Variants in DOCK7 observed in about 807,000 individuals in gnomAD.
DOCK7 encodes dedicator of cytokinesis protein 7.
DOCK7 carries 138 observed loss-of-function variants against 271.0 expected under a neutral mutation model. That is an observed-to-expected ratio of 0.51 (90% CI 0.44 to 0.59). The LOEUF (loss-of-function observed/expected upper bound fraction) is 0.59, where lower values mean the gene tolerates loss of function less well. DOCK7 is among the 20% of genes least tolerant of loss of function. DOCK7 has a pLI of 0.00. For missense variants in DOCK7, 2,066 were observed against 2,592.4 expected, an observed-to-expected ratio of 0.80 and a Z score of 4.41; for synonymous variants, 823 against 876.1, an observed-to-expected ratio of 0.94 and a Z score of 1.07.
At chr1:62,556,612 C>T (rs1300373104) in intron 20 of DOCK7, among the ~76,000 whole-genome samples, 3 of 151,644 alleles carry the variant, frequency 2.0e-5, no homozygotes, top group Non-Finnish European at 2.9e-5. Context: ...CTCGGTCACT[C>T]AAGTCAGTAT....
rs780267717 is a variant in DOCK7 at position 62,552,850 on chromosome 1, G to C, written c.2648C>G (p.Ala883Gly). ...SVHYATMARS[A>G]VRPASLNLNR... ...TAAATTAAGGCTTGCAGGTCTCACC[G>C]CAGATCTAGCCATTGTGGCATAATG... The change falls in exon 22 of 50, where the codon GCG (alanine) becomes GGG (glycine). Residue 883 changes from alanine to glycine, a missense_variant. Ala to Gly is a moderately conservative substitution (Grantham distance 60). Coordinates refer to ENST00000635253, the MANE Select transcript of DOCK7 (RefSeq NM_001367561.1). 6.2e-7 allele frequency: 1 copy of C among 1,613,532 alleles called. No homozygotes were observed. The highest frequency in any genetic ancestry group is 8.5e-7 in the Non-Finnish European group (1 of 1,179,840).
chr1:62,541,921 C>T (rs919076443), intron 25 of DOCK7, among the ~76,000 whole-genome samples: 19 of 152,214 alleles, frequency 1.2e-4, no homozygotes, highest in Admixed American at 3.9e-4. Context: ...GTTATCCATG[C>T]GGAGTGCAGT....
intron 11 of DOCK7, among the ~76,000 whole-genome samples, chr1:62,625,724 C>T (rs1408924232): frequency 3.3e-5 from 5 of 152,130 alleles, no homozygotes; most frequent in Admixed American, 1.3e-4. Flanking sequence ...TTTTAGTCAT[C>T]GTTAATCTTC....
At position 62,455,199 on chromosome 1, in the gene DOCK7, G is replaced by T. The variant is rs189241213; in HGVS notation, c.*215C>A. The T allele has an allele frequency of 6.6e-4, 435 of 658,514 alleles. 2 individuals carry two copies. Among genetic ancestry groups the T allele is most frequent in the South Asian group, 2.3e-3 (131 of 57,162 alleles). 40.8% of individuals were successfully genotyped at this position (658,514 alleles called of 1,614,324 possible). On this transcript the variant is annotated 3_prime_UTR_variant, in exon 50 of 50. Transcript: ENST00000635253. ...TAGTGTACCTTTGAGTCATTAAAAT[G>T]TCTTAAAAGATAACAGCTTGTTACC...
At chr1:62,584,277 T>C in intron 15 of DOCK7, 1 of 973,400 alleles carries the variant, frequency 1.0e-6, no homozygotes, top group South Asian at 4.8e-5. Flanking sequence ...ATATATATTA[T>C]TTCATCAATT....
At chr1:62,647,331 AT>A (rs1476573691) in intron 7 of DOCK7, among the ~76,000 whole-genome samples, 1 of 152,154 alleles carries the variant, frequency 6.6e-6, no homozygotes, top group Non-Finnish European at 1.5e-5. Context: ...CAACTCTTTG[AT>A]TTTATATTTG....
At chr1:62,491,840 G>C (rs903748714) in intron 41 of DOCK7, among the ~76,000 whole-genome samples, 1 of 152,160 alleles carries the variant, frequency 6.6e-6, no homozygotes, top group African/African-American at 2.4e-5. Context: ...TTTAGAAAAT[G>C]TTTGGCAGTA....
chr1:62,641,268 C>T (rs1655988853), intron 7 of DOCK7: 19 of 416,464 alleles, frequency 4.6e-5, no homozygotes, highest in South Asian at 3.1e-4. Flanking sequence ...TCCATGGTGG[C>T]TGTCACTGCC....
chr1:62,533,526 C>T (rs1304849315), intron 29 of DOCK7, among the ~76,000 whole-genome samples: 1 of 151,942 alleles, frequency 6.6e-6, no homozygotes, highest in East Asian at 1.9e-4. Context: ...GAGTTTCACC[C>T]ATTTAGTTTG....
rs569149865 is a variant in DOCK7, at chr1:62,686,618, T to C, written c.38+1609A>G. On this transcript the variant is annotated intron_variant, in intron 1 of 49. Coordinates refer to ENST00000635253, the MANE Select transcript of DOCK7 (RefSeq NM_001367561.1). Reference sequence around the variant, plus strand: ...TACAAGTGTTTGATGACAGGTAGTATAGGCCCTGTACTATCCTACGCACAT... The same window carrying C: ...TACAAGTGTTTGATGACAGGTAGTACAGGCCCTGTACTATCCTACGCACAT... Among the ~76,000 whole-genome samples the C allele has an allele frequency of 4.6e-5, 7 of 152,322 alleles. No homozygotes were observed. In the South Asian group the frequency reaches 1.2e-3, roughly 27 times the overall value.
chr1:62,537,116 C>T (rs1255628423), intron 28 of DOCK7, among the ~76,000 whole-genome samples: 1 of 152,162 alleles, frequency 6.6e-6, no homozygotes, highest in Non-Finnish European at 1.5e-5. Context: ...CTTCATCCCC[C>T]ACTTCCTTTC....
Position 62,529,295 on chromosome 1 carries a change from G to C in DOCK7, c.3763C>G (p.Gln1255Glu). The change falls in exon 30 of 50, where the codon CAG (glutamine) becomes GAG (glutamate). Residue 1255 changes from glutamine to glutamate, a missense_variant. Coordinates refer to ENST00000635253, the MANE Select transcript of DOCK7 (RefSeq NM_001367561.1). ...LIGIIMETVP[Q>E]LYDFTETHNQ... The stretch of plus-strand genomic sequence containing the variant: ...TAGGTACCTGTAAAATCATACAGCT[G>C]AGGTACAGTTTCCATGATAATACCA... The C allele has an allele frequency of 6.2e-7, 1 of 1,608,368 alleles. No homozygotes were observed. The highest frequency in any genetic ancestry group is 8.5e-7 in the Non-Finnish European group (1 of 1,178,316).
intron 31 of DOCK7, among the ~76,000 whole-genome samples, chr1:62,521,089 C>T (rs976501908): frequency 2.0e-5 from 3 of 147,304 alleles, no homozygotes; most frequent in African/African-American, 7.5e-5. Context: ...ACATCACACA[C>T]TGGGGCCTGT....
intron 21 of DOCK7, 31 bp from the exon 22 acceptor site, chr1:62,552,932 A>G (rs373412173): frequency 2.8e-5 from 40 of 1,426,398 alleles, no homozygotes; most frequent in Middle Eastern, 1.9e-4. Context: ...GCACATAATT[A>G]AAGAAAATTA....
chr1:62,513,643 G>A (rs376012915), intron 32 of DOCK7, 37 bp from the exon 33 acceptor site: 73 of 1,602,388 alleles, frequency 4.6e-5, no homozygotes, highest in Non-Finnish European at 6.0e-5. Flanking sequence ...AGGTATTGAG[G>A]AAATTTTCTT....
At chr1:62,676,608 A>G (rs982900792) in intron 1 of DOCK7, among the ~76,000 whole-genome samples, 1 of 152,190 alleles carries the variant, frequency 6.6e-6, no homozygotes, top group Non-Finnish European at 1.5e-5. Context: ...GAAACTGTTT[A>G]TTTGTAAGAG....
intron 15 of DOCK7, chr1:62,584,389 G>A (rs1647262693): frequency 4.1e-6 from 4 of 987,486 alleles, no homozygotes; most frequent in Non-Finnish European, 4.8e-6. Context: ...GTTATCTTAG[G>A]ACCCATTTAA....
At chr1:62,688,181 T>G in intron 1 of DOCK7, 46 bp downstream of exon 1, 1 of 1,351,494 alleles carries the variant, frequency 7.4e-7, no homozygotes, top group Non-Finnish European at 9.6e-7. Context: ...ACTCCGCGGC[T>G]CTTTCTCGGG....
chr1:62,537,337 C>G (rs1336277709), intron 28 of DOCK7, among the ~76,000 whole-genome samples: 1 of 152,072 alleles, frequency 6.6e-6, no homozygotes, highest in Non-Finnish European at 1.5e-5. Flanking sequence ...AATCCCAGCA[C>G]TTTTGAGAGG....
Sources: gnomAD v4.1 joint callset for allele counts (sites outside exome capture counted in the v4.1 genomes callset) on GRCh38, gnomAD v4.1.1 for gene constraint, MANE v1.5 for transcripts, NCBI Gene and HGNC (gene_info 2026-07-23, HGNC 2026-07-21) for gene names.